Variants in LRP1B observed in about 807,000 individuals in gnomAD.
LRP1B encodes low-density lipoprotein receptor-related protein 1B.
Under a neutral mutation model 556.6 loss-of-function variants are expected in LRP1B, and 217 were observed. The ratio of observed to expected loss-of-function variants is 0.39; its 90% CI spans 0.35 to 0.44. The LOEUF (loss-of-function observed/expected upper bound fraction) is 0.44. Among genes scored for constraint, LRP1B ranks in the 20% least tolerant of loss-of-function variants. The probability of loss-of-function intolerance (pLI) is 1.00; values close to 1 mark genes in which losing one functional copy is unlikely to be tolerated. For missense variants in LRP1B, 5,053 were observed against 5,620.8 expected (o/e 0.90, Z 3.23); for synonymous variants, 2,047 against 1,865.8 (o/e 1.10, Z -2.50).
chr2:140,721,508 A>C (rs1395569655), intron 35 of LRP1B, among the ~76,000 whole-genome samples: 1 of 149,762 alleles, frequency 6.7e-6, no homozygotes, highest in Non-Finnish European at 1.5e-5. Flanking sequence ...AGCTAGTGAT[A>C]AATGTGTTGA....
chr2:140,881,049 A>G (rs1007877847), intron 25 of LRP1B, among the ~76,000 whole-genome samples: 2 of 152,164 alleles, frequency 1.3e-5, no homozygotes, highest in Non-Finnish European at 2.9e-5. Flanking sequence ...TTTATCTAAA[A>G]TTAAAAATTT....
chr2:140,448,739 AAG>A (rs1383317109), intron 63 of LRP1B, among the ~76,000 whole-genome samples: 1 of 152,092 alleles, frequency 6.6e-6, no homozygotes, highest in Non-Finnish European at 1.5e-5. Flanking sequence ...GAAAATTGCT[AAG>A]AGAATAGATT....
At chr2:141,140,993 T>A (rs1321088816) in intron 7 of LRP1B, among the ~76,000 whole-genome samples, 1 of 152,140 alleles carries the variant, frequency 6.6e-6, no homozygotes, top group East Asian at 1.9e-4. Context: ...TGGAGAGCAA[T>A]CAATCTCTCT....
chr2:140,838,185 T>C (rs1356340486), intron 31 of LRP1B, among the ~76,000 whole-genome samples: 1 of 152,192 alleles, frequency 6.6e-6, no homozygotes, highest in Non-Finnish European at 1.5e-5. Flanking sequence ...CAAATTACAA[T>C]GTAAGGACTT....
At chr2:141,809,373 G>A (rs1298059124) in intron 2 of LRP1B, among the ~76,000 whole-genome samples, 1 of 151,996 alleles carries the variant, frequency 6.6e-6, no homozygotes, top group Non-Finnish European at 1.5e-5. Flanking sequence ...TAATGAAGAC[G>A]GATTTTTTTT....
At position 141,544,343 on chromosome 2, in the gene LRP1B, C is replaced by CTTCTTCTT. The variant is rs1559131265; in HGVS notation, c.206-63818_206-63811dup. Among the ~76,000 whole-genome samples, 84 of 83,496 alleles carry CTTCTTCTT rather than the reference C, an allele frequency of 1.0e-3. 2 individuals carry two copies. The highest frequency in any genetic ancestry group is 1.7e-3 in the African/African-American group (37 of 21,616). The allele number at this position is 83,496 out of a possible 152,430, so 54.8% of individuals were successfully genotyped here. On this transcript the variant is annotated intron_variant, in intron 2 of 90. Transcript: ENST00000389484. ...TCTTCTTCTTCTTCTTCTTCTTCTT[C>CTTCTTCTT]TTCTTCTTCTTCTTCTTCTTCTTCT... is the stretch of plus-strand genomic sequence containing the variant.
At chr2:140,310,096 T>C (rs1227716673) in intron 83 of LRP1B, among the ~76,000 whole-genome samples, 3 of 151,778 alleles carry the variant, frequency 2.0e-5, no homozygotes, top group African/African-American at 7.2e-5. Context: ...GCTGGTTTCA[T>C]CCATGTCTGA....
chr2:140,536,737 C>T lies in LRP1B; in HGVS notation c.7514-28G>A, dbSNP rs754917323. The T allele has an allele frequency of 9.7e-6, 15 of 1,545,246 alleles. No homozygotes were observed. In the African/African-American group the frequency reaches 2.1e-4, roughly 22 times the overall value. On this transcript the variant is annotated intron_variant, in intron 45 of 90. Coordinates refer to ENST00000389484, the MANE Select transcript of LRP1B (RefSeq NM_018557.3). ...GCAAGAAAAAAAAAAAAAGTCAATA[C>T]TTTTGTGCAATGGCAAATATTTTTT... is the stretch of plus-strand genomic sequence containing the variant.
intron 1 of LRP1B, among the ~76,000 whole-genome samples, chr2:141,866,995 G>A (rs1698433115): frequency 6.6e-6 from 1 of 152,180 alleles, no homozygotes; most frequent in East Asian, 1.9e-4. Flanking sequence ...CTGGAAGTAG[G>A]TTTCTTTGGA....
chr2:141,191,029 T>TC (rs1406305619), intron 6 of LRP1B, among the ~76,000 whole-genome samples: 1 of 151,918 alleles, frequency 6.6e-6, no homozygotes, highest in Non-Finnish European at 1.5e-5. Context: ...CATCCTTATT[T>TC]CCAAAGATGG....
Position 140,850,204 on chromosome 2 carries a change from A to G in LRP1B, c.4837T>C (p.Phe1613Leu). ...PDIDDVTVIDFDASEERLYWT... is the reference protein window; with the variant it reads ...PDIDDVTVIDLDASEERLYWT... ...TATAAACGTTCCTCAGATGCATCGA[A>G]GTCTATCACAGTAACGTCATCAATA... The change falls in exon 29 of 91, where the codon TTC (phenylalanine) becomes CTC (leucine). Residue 1613 changes from phenylalanine to leucine, a missense_variant. Around this residue, in one of 5 missense-constraint regions of LRP1B, gnomAD observed 3,619 missense variants for 3,931.9 expected, o/e 0.92. Transcript: ENST00000389484. 1 of 1,613,006 alleles carries G rather than the reference A, an allele frequency of 6.2e-7. No homozygotes were observed. Among genetic ancestry groups the G allele is most frequent in the Non-Finnish European group, 8.5e-7 (1 of 1,179,030 alleles).
At chr2:142,127,317 A>C (rs1458204048) in intron 1 of LRP1B, among the ~76,000 whole-genome samples, 2 of 151,870 alleles carry the variant, frequency 1.3e-5, no homozygotes, top group Non-Finnish European at 2.9e-5. Context: ...TTGTCTAAAG[A>C]TATTTTAACC....
intron 31 of LRP1B, among the ~76,000 whole-genome samples, chr2:140,837,973 C>T (rs968285258): frequency 6.6e-6 from 1 of 151,874 alleles, no homozygotes; most frequent in East Asian, 1.9e-4. Context: ...TGGTGAACAA[C>T]ATCTGAGGGG....
At chr2:140,687,809 AC>A (rs945386417) in intron 41 of LRP1B, among the ~76,000 whole-genome samples, 13 of 152,128 alleles carry the variant, frequency 8.5e-5, no homozygotes, top group African/African-American at 3.1e-4. Flanking sequence ...ATAACAGGAA[AC>A]TTCACTCCTG....
At chr2:140,425,428 A>T (rs1685613198) in intron 66 of LRP1B, among the ~76,000 whole-genome samples, 1 of 151,912 alleles carries the variant, frequency 6.6e-6, no homozygotes, top group South Asian at 2.1e-4. Context: ...GCCGAGACAG[A>T]GTCTTGCTCT....
rs556280735 is a variant in LRP1B, at chr2:140,915,067, G to A, written c.3320-6990C>T. Among the ~76,000 whole-genome samples the A allele has an allele frequency of 2.0e-5, 3 of 152,208 alleles. No homozygotes were observed. In the South Asian group the frequency reaches 6.2e-4, roughly 32 times the overall value. ...GAGCATAAACTAAGAAATCTTTCCT[G>A]GTGACCATCGAAACAGCCATTTCCA... On this transcript the variant is annotated intron_variant, in intron 21 of 90. Transcript: ENST00000389484.
chr2:141,422,227 T>C (rs903363882), intron 3 of LRP1B, among the ~76,000 whole-genome samples: 3 of 152,196 alleles, frequency 2.0e-5, no homozygotes, highest in Admixed American at 6.5e-5. Flanking sequence ...CTTTGATTAT[T>C]ATAATTACCT....
chr2:140,328,408 T>G (rs1680606721), intron 79 of LRP1B, among the ~76,000 whole-genome samples: 1 of 151,772 alleles, frequency 6.6e-6, no homozygotes, highest in Non-Finnish European at 1.5e-5. Context: ...TTCACTCTTG[T>G]CAAACTCTAA....
chr2:142,078,606 A>G (rs1705597234), intron 1 of LRP1B, among the ~76,000 whole-genome samples: 1 of 152,188 alleles, frequency 6.6e-6, no homozygotes, highest in African/African-American at 2.4e-5. Context: ...AATCTATGAG[A>G]CAGGGCTATT....
Sources: allele counts gnomAD v4.1 joint callset (sites outside exome capture counted in the v4.1 genomes callset), GRCh38; gene constraint gnomAD v4.1.1; regional missense constraint gnomAD v4.1.1; transcripts MANE v1.5; gene names NCBI Gene and HGNC (gene_info 2026-07-23, HGNC 2026-07-21).